The following OSBPL10 variants were observed in gnomAD, a reference collection of about 807,000 sequenced individuals.
OSBPL10 encodes the protein oxysterol-binding protein-related protein 10.
In OSBPL10, 49 loss-of-function variants were observed where a neutral mutation model predicts 81.7. That is an observed-to-expected ratio of 0.60 (90% CI 0.48 to 0.76). The LOEUF is 0.76. Among genes scored for constraint, OSBPL10 ranks in the 30% least tolerant of loss-of-function variants. The pLI is 0.00. For synonymous variants in OSBPL10, 419 were observed against 383.6 expected, an observed-to-expected ratio of 1.09 and a Z score of -1.08; for missense variants, 923 against 987.8, an observed-to-expected ratio of 0.93 and a Z score of 0.88.
chr3:31,717,513 T>G (rs1337329965), intron 6 of OSBPL10, among the ~76,000 whole-genome samples: 1 of 151,988 alleles, frequency 6.6e-6, no homozygotes, highest in East Asian at 1.9e-4. Context: ...AAAAAAGAAA[T>G]AAACCAAGAG....
At chr3:31,826,532 CT>C (rs1700103869) in intron 4 of OSBPL10, among the ~76,000 whole-genome samples, 2 of 152,258 alleles carry the variant, frequency 1.3e-5, no homozygotes, top group South Asian at 4.1e-4. Flanking sequence ...ATTCTATTGC[CT>C]TTGGCTGGGC....
chr3:31,980,164 G>A (rs1698793408), intron 1 of OSBPL10, among the ~76,000 whole-genome samples: 1 of 151,944 alleles, frequency 6.6e-6, no homozygotes, highest in East Asian at 1.9e-4. Flanking sequence ...CGCCACGCCC[G>A]GCTAATTTTT....
At chr3:31,949,891 T>A (rs1697821001) in intron 1 of OSBPL10, among the ~76,000 whole-genome samples, 1 of 152,126 alleles carries the variant, frequency 6.6e-6, no homozygotes, top group Non-Finnish European at 1.5e-5. Flanking sequence ...ATGGACTGAC[T>A]TGGTTTGGAT....
At chr3:31,725,361 T>C (rs1241943240) in intron 6 of OSBPL10, among the ~76,000 whole-genome samples, 1 of 152,178 alleles carries the variant, frequency 6.6e-6, no homozygotes, top group Non-Finnish European at 1.5e-5. Flanking sequence ...AGGCATATCT[T>C]CTACATTTGC....
chr3:31,906,068 A>C (rs1473730564), intron 1 of OSBPL10, among the ~76,000 whole-genome samples: 3 of 152,194 alleles, frequency 2.0e-5, no homozygotes, highest in African/African-American at 7.2e-5. Context: ...ACAACACCAT[A>C]GTCAGTGTCC....
chr3:31,980,602 C>A (rs1004811658), intron 1 of OSBPL10, among the ~76,000 whole-genome samples: 4 of 152,226 alleles, frequency 2.6e-5, no homozygotes, highest in African/African-American at 9.6e-5. Context: ...CCAGCACGAT[C>A]CTCCTGCCAC....
chr3:31,946,252 TTATA>T (rs1697700036), intron 1 of OSBPL10, among the ~76,000 whole-genome samples: 1 of 152,094 alleles, frequency 6.6e-6, no homozygotes, highest in Admixed American at 6.6e-5. Flanking sequence ...AGTGCTAAAA[TTATA>T]GGCGTGAGCC....
intron 2 of OSBPL10, among the ~76,000 whole-genome samples, chr3:32,000,996 C>A (rs554068117): frequency 6.6e-6 from 1 of 152,162 alleles, no homozygotes; most frequent in African/African-American, 2.4e-5. Flanking sequence ...GAGCTGTTAG[C>A]AGCCATGTTC....
At chr3:32,018,046 G>T (rs1018254020) in intron 2 of OSBPL10, among the ~76,000 whole-genome samples, 1 of 152,006 alleles carries the variant, frequency 6.6e-6, no homozygotes, top group Admixed American at 6.6e-5. Context: ...TACTCAGGGG[G>T]CTGAGGCAGG....
intron 6 of OSBPL10, 33 bp from the exon 7 acceptor site, chr3:31,702,541 T>A: frequency 6.2e-7 from 1 of 1,613,382 alleles, no homozygotes; most frequent in East Asian, 2.2e-5. Flanking sequence ...AATCACCAGC[T>A]GGCCCAATAG....
At chr3:31,979,016 G>A (rs569268992) in intron 1 of OSBPL10, among the ~76,000 whole-genome samples, 1 of 152,192 alleles carries the variant, frequency 6.6e-6, no homozygotes, top group South Asian at 2.1e-4. Flanking sequence ...TGTAATCCAG[G>A]GTAAAAGCTT....
intron 5 of OSBPL10, among the ~76,000 whole-genome samples, chr3:31,737,087 G>A (rs998264878): frequency 6.6e-6 from 1 of 152,136 alleles, no homozygotes; most frequent in East Asian, 1.9e-4. Flanking sequence ...CTGTATCTTG[G>A]GATAGACAAA....
At chr3:31,809,609 A>G (rs1158696932) in intron 4 of OSBPL10, among the ~76,000 whole-genome samples, 1 of 152,234 alleles carries the variant, frequency 6.6e-6, no homozygotes, top group Non-Finnish European at 1.5e-5. Context: ...AATAGTTGAA[A>G]CGAAGTGTGA....
intron 2 of OSBPL10, among the ~76,000 whole-genome samples, chr3:32,010,455 G>C (rs943820623): frequency 6.6e-6 from 1 of 152,140 alleles, no homozygotes; most frequent in Non-Finnish European, 1.5e-5. Flanking sequence ...AAGTTAAAAG[G>C]GGGGGCAGTT....
chr3:31,662,432 G>A, intron 11 of OSBPL10: 2 of 1,099,636 alleles, frequency 1.8e-6, no homozygotes, highest in African/African-American at 1.7e-5. Flanking sequence ...AAGAGAAAAG[G>A]AGAGTAGCTA....
At chr3:31,807,206 C>G (rs1575557372) in intron 4 of OSBPL10, among the ~76,000 whole-genome samples, 1 of 151,482 alleles carries the variant, frequency 6.6e-6, no homozygotes, top group Admixed American at 6.6e-5. Flanking sequence ...ATGGTGAAAC[C>G]CTGTCTCTAC....
Position 31,705,381 on chromosome 3 carries a change from C to CA in OSBPL10, c.1096-2874_1096-2873insT, listed in dbSNP as rs576486520. 2.6e-4 allele frequency among the ~76,000 whole-genome samples: 37 copies of CA among 141,322 alleles called. 1 individual carries two copies. The highest frequency in any genetic ancestry group is 9.3e-4 in the African/African-American group (35 of 37,556). The allele number at this position is 141,322 out of a possible 152,430, so 92.7% of individuals were successfully genotyped here. A position where few individuals can be genotyped will look rare whatever the true frequency, so the allele number is the denominator to read the frequency against. On this transcript the variant is annotated intron_variant, in intron 6 of 11. Transcript: ENST00000396556. ...TCTGCACAAAGAGAAGACCCCCCCC[C>CA]CCACCCCCATCGCGGTCCAACTTGG...
intron 6 of OSBPL10, among the ~76,000 whole-genome samples, chr3:31,729,719 G>A (rs972442478): frequency 4.6e-5 from 7 of 152,054 alleles, no homozygotes; most frequent in African/African-American, 1.4e-4. Flanking sequence ...ACGCCCAGCC[G>A]GCACCTTAGA....
intron 6 of OSBPL10, among the ~76,000 whole-genome samples, chr3:31,729,160 AAC>A (rs2125655965): frequency 6.6e-6 from 1 of 152,314 alleles, no homozygotes; most frequent in Non-Finnish European, 1.5e-5. Context: ...ACTTTTAAAA[AAC>A]AGTTAAGGTT....
Sources: gnomAD v4.1 joint callset for allele counts (sites outside exome capture counted in the v4.1 genomes callset) on GRCh38, gnomAD v4.1.1 for gene constraint, MANE v1.5 for transcripts, NCBI Gene and HGNC (gene_info 2026-07-23, HGNC 2026-07-21) for gene names.